Variants in RPGR observed in about 807,000 individuals in gnomAD.
RPGR encodes X-linked retinitis pigmentosa GTPase regulator.
A neutral mutation model predicts 56.3 loss-of-function variants in RPGR; 10 were observed. The observed-to-expected ratio is 0.18, with a 90% CI of 0.11 to 0.30. The LOEUF is 0.30. Among genes scored for constraint, RPGR ranks in the 10% least tolerant of loss-of-function variants. The probability of loss-of-function intolerance (pLI) is 1.00; values close to 1 mark genes in which losing one functional copy is unlikely to be tolerated. For synonymous variants in RPGR, 197 were observed against 212.9 expected (o/e 0.93, Z 0.65); for missense variants, 538 against 590.9 (o/e 0.91, Z 0.93).
In RPGR at chrX:38,299,096, G is replaced by C. The variant is rs768571911; in HGVS notation, c.1105C>G (p.Arg369Gly). 4 of 1,209,701 alleles carry C rather than the reference G, an allele frequency of 3.3e-6. No individual in the cohort carries two copies. The African/African-American group carries it at 7.0e-5, about 21-fold the overall frequency. ...AATTCAATTTCTTTTGCCACACCACGATGAGGAGCAGCAAAAACTACCATG... is the reference window on the plus strand; with the variant it reads ...AATTCAATTTCTTTTGCCACACCACCATGAGGAGCAGCAAAAACTACCATG... The change falls in exon 10 of 19, where the codon CGT becomes GGT. Residue 369 changes from arginine (R) to glycine (G), a missense_variant. Around this residue, in one of 2 missense-constraint regions of RPGR, gnomAD observed 357 missense variants for 325.8 expected, o/e 1.10. Coordinates refer to ENST00000642395, the MANE Select transcript of RPGR (RefSeq NM_000328.3).
In RPGR at chrX:38,269,798, T is replaced by C; in HGVS notation, c.2276A>G (p.Gln759Arg). The change falls in exon 19 of 19, where the codon CAA becomes CGA. Residue 759 changes from glutamine (Q) to arginine (R), a missense_variant. Gln to Arg is a conservative substitution (Grantham distance 43). Around this residue, in one of 2 missense-constraint regions of RPGR, gnomAD observed 357 missense variants for 325.8 expected, o/e 1.10. Transcript: ENST00000642395. ...CTCATTGTTATTCTTGACAATCTTT[T>C]GATTTATTGAGGGGACTCTTTTGAA... 8.3e-7 allele frequency: 1 copy of C among 1,208,774 alleles called. No individual in the cohort carries two copies. Among genetic ancestry groups the C allele is most frequent in the African/African-American group, 1.7e-5 (1 of 57,749 alleles).
At chrX:38,301,625 A>G (rs2067503076) in intron 8 of RPGR, among the ~76,000 whole-genome samples, 1 of 111,350 alleles carries the variant, frequency 9.0e-6, no homozygotes, top group African/African-American at 3.3e-5. Context: ...CACGCAAGGC[A>G]GTGTGTGGAG....
chrX:38,291,547 C>T, intron 11 of RPGR, 63 bp from the exon 12 acceptor site: 1 of 617,302 alleles, frequency 1.6e-6, no homozygotes. Flanking sequence ...GGCAACTGGA[C>T]AGAAAACAGA....
chrX:38,324,790 A>T (rs1429647092), intron 1 of RPGR, among the ~76,000 whole-genome samples: 4 of 101,948 alleles, frequency 3.9e-5, no homozygotes, highest in Non-Finnish European at 8.0e-5. Flanking sequence ...CAAATCAGCA[A>T]GATTTGTGTA....
At chrX:38,283,012 G>A (rs1042862986) in intron 15 of RPGR, among the ~76,000 whole-genome samples, 2 of 111,705 alleles carry the variant, frequency 1.8e-5, no homozygotes, top group African/African-American at 3.3e-5. Context: ...ATATAACCAA[G>A]TGTTAATTCA....
intron 7 of RPGR, 63 bp downstream of exon 7, chrX:38,310,552 A>G: frequency 1.8e-6 from 2 of 1,115,724 alleles, no homozygotes; most frequent in Non-Finnish European, 2.5e-6. Context: ...AAAAATGAAC[A>G]TTAAAAAAAT....
intron 15 of RPGR, chrX:38,279,185 T>C: frequency 3.0e-6 from 1 of 331,012 alleles, no homozygotes; most frequent in African/African-American, 2.6e-5. Flanking sequence ...CTGAAACAAT[T>C]TGGGAGTGAC....
At chrX:38,293,734 C>T (rs1262090713) in intron 11 of RPGR, among the ~76,000 whole-genome samples, 1 of 111,858 alleles carries the variant, frequency 8.9e-6, no homozygotes, top group East Asian at 2.8e-4. Flanking sequence ...TACACAACTA[C>T]CTATATTTGT....
Position 38,275,079 on chromosome X carries a change from G to A in RPGR, c.2149+10C>T. ...TATGTATATATGTATGTTATCAAAT[G>A]TGCTCATACCTTTTGGGTTTTCATT... On this transcript the variant is annotated intron_variant, in intron 17 of 18. Coordinates refer to ENST00000642395, the MANE Select transcript of RPGR (RefSeq NM_000328.3). The A allele has an allele frequency of 1.7e-6, 2 of 1,197,464 alleles. No individual in the cohort carries two copies. Among genetic ancestry groups the A allele is most frequent in the Non-Finnish European group, 2.3e-6 (2 of 882,976 alleles).
At chrX:38,290,625 C>A (rs990449716) in intron 13 of RPGR, among the ~76,000 whole-genome samples, 3 of 111,571 alleles carry the variant, frequency 2.7e-5, no homozygotes, top group Non-Finnish European at 5.7e-5. Context: ...GTCAGAGGGC[C>A]ACTCTATCAA....
chrX:38,319,008 G>T, intron 4 of RPGR, 21 bp from the exon 5 acceptor site: 1 of 1,206,994 alleles, frequency 8.3e-7, no homozygotes, highest in South Asian at 1.8e-5. Context: ...AAAAGAAAAC[G>T]TCAATAGACT....
At position 38,323,379 on chromosome X, in the gene RPGR, T is replaced by C; in HGVS notation, c.154+20A>G. 8.4e-7 allele frequency: 1 copy of C among 1,185,147 alleles called. No homozygotes were observed. The highest frequency in any genetic ancestry group is 1.8e-5 in the South Asian group (1 of 55,699). On this transcript the variant is annotated intron_variant, in intron 2 of 18. Transcript: ENST00000642395. ...AATTTTCTAAGTATTACTGTCCTTA[T>C]TCAGGATTGTAATACTAACCGGTAA...
chrX:38,285,265 T>G, intron 15 of RPGR: 1 of 986,408 alleles, frequency 1.0e-6, no homozygotes, highest in Middle Eastern at 4.3e-4. Flanking sequence ...GAATATATAA[T>G]GTTAATAATC....
At chrX:38,293,501 T>C (rs1252578829) in intron 11 of RPGR, among the ~76,000 whole-genome samples, 1 of 112,246 alleles carries the variant, frequency 8.9e-6, no homozygotes, top group African/African-American at 3.2e-5. Context: ...ATTATTTTCA[T>C]AAATATTAGG....
intron 14 of RPGR, chrX:38,287,476 G>T: frequency 1.8e-6 from 1 of 542,836 alleles, no homozygotes. Flanking sequence ...GTAACTGTCT[G>T]GCTTTTCTAC....
chrX:38,276,878 A>C, intron 15 of RPGR: 1 of 645,083 alleles, frequency 1.6e-6, no homozygotes, highest in Non-Finnish European at 2.4e-6. Flanking sequence ...AAAACCAGGA[A>C]AATATTAATT....
intron 6 of RPGR, among the ~76,000 whole-genome samples, chrX:38,316,453 T>C (rs1288363311): frequency 8.9e-6 from 1 of 111,964 alleles, no homozygotes; most frequent in African/African-American, 3.2e-5. Flanking sequence ...TGCTTTTACT[T>C]GGTATTTTTG....
At chrX:38,274,402 G>C (rs925250279) in intron 17 of RPGR, among the ~76,000 whole-genome samples, 2 of 112,264 alleles carry the variant, frequency 1.8e-5, no homozygotes, top group African/African-American at 6.5e-5. Flanking sequence ...TCCCAACTTG[G>C]TTGGGCAATG....
chrX:38,317,716 C>A, intron 5 of RPGR: 1 of 308,470 alleles, frequency 3.2e-6, no homozygotes, highest in Admixed American at 5.4e-5. Flanking sequence ...ATATTTTTAT[C>A]TCGATAGCAA....
Sources: allele counts gnomAD v4.1 joint callset (sites outside exome capture counted in the v4.1 genomes callset), GRCh38; gene constraint gnomAD v4.1.1; regional missense constraint gnomAD v4.1.1; transcripts MANE v1.5; gene names NCBI Gene and HGNC (gene_info 2026-07-23, HGNC 2026-07-21).